SPESP1: variants seen among roughly 807,000 people sequenced by gnomAD.
SPESP1 encodes the protein equatorial segment protein.
A neutral mutation model predicts 3.1 loss-of-function variants in SPESP1; 1 was observed. That is an observed-to-expected ratio of 0.33 (90% CI 0.12 to 1.54). The LOEUF is 1.54. Among genes scored for constraint, SPESP1 ranks in the 40% most tolerant of loss-of-function variants. The probability of loss-of-function intolerance (pLI) is 0.38; values close to 1 mark genes in which losing one functional copy is unlikely to be tolerated. For synonymous variants in SPESP1, 138 were observed against 150.7 expected (o/e 0.92, Z 0.62); for missense variants, 398 against 410.1 (o/e 0.97, Z 0.26).
Position 68,930,531 on chromosome 15 carries a change from G to T in SPESP1, c.-123G>T. Reference sequence around the variant, plus strand: ...TTGCGCGCTGGGGACAACCGTTGCTGGGTGTCCCAGGGCCTGAGGCAGGAC... The same window carrying T: ...TTGCGCGCTGGGGACAACCGTTGCTTGGTGTCCCAGGGCCTGAGGCAGGAC... On this transcript the variant is annotated 5_prime_UTR_variant, in exon 1 of 2. Transcript: ENST00000310673. 1 of 1,348,220 alleles carries T rather than the reference G, an allele frequency of 7.4e-7. No homozygotes were observed. The highest frequency in any genetic ancestry group is 2.4e-5 in the East Asian group (1 of 41,922). The allele number at this position is 1,348,220 out of a possible 1,614,324, so 83.5% of individuals were successfully genotyped here.
intron 1 of SPESP1, 149 bp downstream of exon 1, chr15:68,930,866 G>C: frequency 8.1e-7 from 1 of 1,235,016 alleles, no homozygotes; most frequent in Non-Finnish European, 1.1e-6. Context: ...GACGCCGAGG[G>C]GTGTCCCTCT....
chr15:68,942,697 G>T (rs1567064902), intron 1 of SPESP1, among the ~76,000 whole-genome samples: 1 of 152,108 alleles, frequency 6.6e-6, no homozygotes, highest in Non-Finnish European at 1.5e-5. Context: ...CTTTGAAAGT[G>T]TTTTAAAATA....
intron 1 of SPESP1, among the ~76,000 whole-genome samples, chr15:68,939,095 G>A (rs1040611458): frequency 1.2e-4 from 18 of 152,244 alleles, no homozygotes; most frequent in African/African-American, 4.1e-4. Flanking sequence ...GGCAACCTCA[G>A]GCTCACCTTC....
intron 1 of SPESP1, among the ~76,000 whole-genome samples, chr15:68,937,518 A>C (rs1895713250): frequency 6.6e-6 from 1 of 151,700 alleles, no homozygotes; most frequent in African/African-American, 2.4e-5. Context: ...AAAAAAAAAC[A>C]GGATCCATGT....
chr15:68,937,803 CAA>C lies in SPESP1; in HGVS notation c.64+7090_64+7091del, dbSNP rs1383653930. On this transcript the variant is annotated intron_variant, in intron 1 of 1. Coordinates refer to ENST00000310673, the MANE Select transcript of SPESP1 (RefSeq NM_145658.4). Reference sequence around the variant, plus strand: ...ATATTTGCCTACTTGACTGGCAAAACAAAAATTGTTTTTAATTTGCATATCTT... The same window carrying C: ...ATATTTGCCTACTTGACTGGCAAAACAAATTGTTTTTAATTTGCATATCTT... 5.3e-5 allele frequency among the ~76,000 whole-genome samples: 8 copies of C among 152,202 alleles called. No individual in the cohort carries two copies. In the East Asian group the frequency reaches 1.4e-3, roughly 26 times the overall value.
intron 1 of SPESP1, among the ~76,000 whole-genome samples, chr15:68,932,346 G>C (rs756970729): frequency 6.6e-6 from 1 of 151,648 alleles, no homozygotes; most frequent in South Asian, 2.1e-4. Flanking sequence ...GCAGTCTCTT[G>C]CCTAACACCA....
chr15:68,933,152 TAGAC>T (rs1223166578), intron 1 of SPESP1, among the ~76,000 whole-genome samples: 1 of 152,212 alleles, frequency 6.6e-6, no homozygotes, highest in East Asian at 1.9e-4. Context: ...TCTAGACTAC[TAGAC>T]AGTTTTGAGG....
chr15:68,932,798 G>A (rs1362156537), intron 1 of SPESP1, among the ~76,000 whole-genome samples: 1 of 152,138 alleles, frequency 6.6e-6, no homozygotes, highest in Non-Finnish European at 1.5e-5. Flanking sequence ...GTGATTTTGT[G>A]TTGAATATAT....
intron 1 of SPESP1, among the ~76,000 whole-genome samples, chr15:68,935,846 A>G (rs962755953): frequency 2.0e-5 from 3 of 152,234 alleles, no homozygotes; most frequent in Non-Finnish European, 4.4e-5. Flanking sequence ...ACACCTCAGT[A>G]ATTAAGCACA....
At chr15:68,942,999 AAAAT>A (rs1895866225) in intron 1 of SPESP1, among the ~76,000 whole-genome samples, 1 of 152,144 alleles carries the variant, frequency 6.6e-6, no homozygotes, top group South Asian at 2.1e-4. Flanking sequence ...TTGCCATTAA[AAAAT>A]AAAGGAGAAA....
intron 1 of SPESP1, among the ~76,000 whole-genome samples, chr15:68,933,743 C>T (rs1895612690): frequency 6.6e-6 from 1 of 151,680 alleles, no homozygotes; most frequent in Non-Finnish European, 1.5e-5. Context: ...CCTGTAGTCC[C>T]AGCTATTCGG....
At chr15:68,940,285 C>T (rs1472142916) in intron 1 of SPESP1, among the ~76,000 whole-genome samples, 5 of 152,110 alleles carry the variant, frequency 3.3e-5, no homozygotes, top group Admixed American at 3.3e-4. Flanking sequence ...GGACACTCTC[C>T]CCAATTTCTC....
At chr15:68,932,535 C>T (rs1350488730) in intron 1 of SPESP1, among the ~76,000 whole-genome samples, 1 of 152,056 alleles carries the variant, frequency 6.6e-6, no homozygotes, top group Admixed American at 6.5e-5. Flanking sequence ...GGATTATAGG[C>T]GCACGCCACT....
chr15:68,945,962 AAGAGCCAGAGCC>A lies in SPESP1; in HGVS notation c.435_446del (p.Glu148_Pro151del). 6.2e-7 allele frequency: 1 copy of A among 1,614,142 alleles called. No individual in the cohort carries two copies. Among genetic ancestry groups the A allele is most frequent in the Non-Finnish European group, 8.5e-7 (1 of 1,180,022 alleles). On this transcript the variant is annotated inframe_deletion, in exon 2 of 2. Transcript: ENST00000310673. ...GCAGAGGAACCTTATATTGAAAATG[AAGAGCCAGAGCC>A]AGAGCCGGAGCCAGCTGCAAAACAA... is the stretch of plus-strand genomic sequence containing the variant.
In SPESP1 at chr15:68,934,909, A is replaced by T. The variant is rs74020551; in HGVS notation, c.64+4192A>T. 7.2e-3 allele frequency among the ~76,000 whole-genome samples: 1,089 copies of T among 152,026 alleles called. 18 individuals are homozygous for T. The highest frequency in any genetic ancestry group is 0.025 in the African/African-American group (1,036 of 41,458). ...TAAGCTGTCTTCTCTTGTTCTTTTG[A>T]TAGGATCCCATATATTTTTAAAGAC... On this transcript the variant is annotated intron_variant, in intron 1 of 1. Coordinates refer to ENST00000310673, the MANE Select transcript of SPESP1 (RefSeq NM_145658.4).
chr15:68,946,775 C>T lies in SPESP1; in HGVS notation c.*188C>T. 1.5e-6 allele frequency: 1 copy of T among 677,660 alleles called. No homozygotes were observed. Among genetic ancestry groups the T allele is most frequent in the Non-Finnish European group, 2.0e-6 (1 of 492,662 alleles). The allele number at this position is 677,660 out of a possible 1,614,324, so 42.0% of individuals were successfully genotyped here. ...GTGTTATGAACAATTTTCATATGCA[C>T]TAAAAACCTAATTTAAAATAAAATT... On this transcript the variant is annotated 3_prime_UTR_variant, in exon 2 of 2. Coordinates refer to ENST00000310673, the MANE Select transcript of SPESP1 (RefSeq NM_145658.4).
At chr15:68,936,208 T>A (rs539187599) in intron 1 of SPESP1, among the ~76,000 whole-genome samples, 7 of 152,344 alleles carry the variant, frequency 4.6e-5, no homozygotes, top group African/African-American at 1.7e-4. Flanking sequence ...GCCATTTTGT[T>A]TTCACTATCA....
intron 1 of SPESP1, among the ~76,000 whole-genome samples, chr15:68,933,115 T>G (rs1446833864): frequency 6.6e-6 from 1 of 152,246 alleles, no homozygotes; most frequent in Non-Finnish European, 1.5e-5. Flanking sequence ...GTTTTTATAA[T>G]GAAAAGTGCA....
chr15:68,936,322 T>C (rs1477740072), intron 1 of SPESP1, among the ~76,000 whole-genome samples: 1 of 152,250 alleles, frequency 6.6e-6, no homozygotes, highest in African/African-American at 2.4e-5. Flanking sequence ...TCAAGGCTAC[T>C]GGCCAAGGGC....
Sources: allele counts gnomAD v4.1 joint callset (sites outside exome capture counted in the v4.1 genomes callset), GRCh38; gene constraint gnomAD v4.1.1; transcripts MANE v1.5; gene names NCBI Gene and HGNC (gene_info 2026-07-23, HGNC 2026-07-21).